Variants in LRP1B observed in about 807,000 individuals in gnomAD.
LRP1B encodes the protein low-density lipoprotein receptor-related protein 1B.
In LRP1B, 217 loss-of-function variants were observed where a neutral mutation model predicts 556.6. The observed-to-expected ratio is 0.39, with a 90% CI of 0.35 to 0.44. The LOEUF (loss-of-function observed/expected upper bound fraction) is 0.44. Ranked by LOEUF, LRP1B falls within the 20% of genes least tolerant of loss-of-function variation. The pLI is 1.00. For missense variants in LRP1B, 5,053 were observed against 5,620.8 expected, an observed-to-expected ratio of 0.90 and a Z score of 3.23; for synonymous variants, 2,047 against 1,865.8, an observed-to-expected ratio of 1.10 and a Z score of -2.50.
chr2:141,572,431 C>T (rs1451218603), intron 2 of LRP1B, among the ~76,000 whole-genome samples: 1 of 152,092 alleles, frequency 6.6e-6, no homozygotes, highest in East Asian at 1.9e-4. Context: ...CTGAAAGAAG[C>T]ACTAAATATG....
chr2:140,575,032 T>A (rs1681466006), intron 43 of LRP1B, among the ~76,000 whole-genome samples: 1 of 152,200 alleles, frequency 6.6e-6, no homozygotes, highest in Non-Finnish European at 1.5e-5. Context: ...CTTCAGCTCC[T>A]CACCTTAGCC....
chr2:140,463,474 G>T (rs1410341852), intron 60 of LRP1B, among the ~76,000 whole-genome samples: 1 of 152,106 alleles, frequency 6.6e-6, no homozygotes. Flanking sequence ...TGGCCTCTGT[G>T]AACATTTTGC....
chr2:140,954,766 G>A (rs556912616), intron 18 of LRP1B, among the ~76,000 whole-genome samples: 2 of 152,050 alleles, frequency 1.3e-5, no homozygotes, highest in African/African-American at 4.8e-5. Flanking sequence ...TAATGTAAAC[G>A]TGTGCTTTAA....
chr2:141,593,724 C>CAA lies in LRP1B; in HGVS notation c.206-113193_206-113192dup, dbSNP rs1175750978. Among the ~76,000 whole-genome samples, 40 of 130,904 alleles carry CAA rather than the reference C, an allele frequency of 3.1e-4. 16 individuals are homozygous for CAA. Among genetic ancestry groups the CAA allele is most frequent in the African/African-American group, 1.5e-3 (40 of 26,654 alleles). The allele number at this position is 130,904 out of a possible 152,430, so 85.9% of individuals were successfully genotyped here. A position where few individuals can be genotyped will look rare whatever the true frequency, so the allele number is the denominator to read the frequency against. ...TGGGCGACAGAGCGAGACTCCGTCT[C>CAA]AAAAAAAAAAAAAAAAAAAAAAAAA... On this transcript the variant is annotated intron_variant, in intron 2 of 90. Transcript: ENST00000389484.
intron 66 of LRP1B, among the ~76,000 whole-genome samples, chr2:140,397,009 A>G (rs1463113459): frequency 3.3e-5 from 5 of 152,190 alleles, no homozygotes. Flanking sequence ...AAGGTCACAG[A>G]GTATTAGAAT....
intron 25 of LRP1B, among the ~76,000 whole-genome samples, chr2:140,877,718 AT>A (rs1693353229): frequency 6.6e-6 from 1 of 152,082 alleles, no homozygotes; most frequent in African/African-American, 2.4e-5. Context: ...CCCTCACTCC[AT>A]TTCAAATCTT....
intron 7 of LRP1B, among the ~76,000 whole-genome samples, chr2:141,098,813 A>C (rs563187567): frequency 6.6e-6 from 1 of 152,254 alleles, no homozygotes; most frequent in Non-Finnish European, 1.5e-5. Flanking sequence ...ATGTGCCACC[A>C]CACCCAGCTG....
chr2:141,494,870 T>C (rs1245221931), intron 2 of LRP1B, among the ~76,000 whole-genome samples: 1 of 150,872 alleles, frequency 6.6e-6, no homozygotes, highest in Non-Finnish European at 1.5e-5. Flanking sequence ...GTAGCATTAC[T>C]AATAGCGGTA....
At chr2:140,386,218 G>A (rs1217480755) in intron 66 of LRP1B, among the ~76,000 whole-genome samples, 1 of 151,968 alleles carries the variant, frequency 6.6e-6, no homozygotes, top group Admixed American at 6.6e-5. Flanking sequence ...CTTTCACCGC[G>A]AGCTAATCAG....
At chr2:140,361,060 T>A (rs1034966770) in intron 72 of LRP1B, among the ~76,000 whole-genome samples, 1 of 151,228 alleles carries the variant, frequency 6.6e-6, no homozygotes, top group African/African-American at 2.4e-5. Flanking sequence ...ATTTTGTCTG[T>A]ACTTTTCTCC....
chr2:141,926,163 C>T (rs1202776949), intron 1 of LRP1B, among the ~76,000 whole-genome samples: 1 of 152,090 alleles, frequency 6.6e-6, no homozygotes, highest in Non-Finnish European at 1.5e-5. Context: ...AAAATAAATA[C>T]ATGAAGAGTG....
intron 7 of LRP1B, among the ~76,000 whole-genome samples, chr2:141,111,899 A>T (rs999676692): frequency 6.6e-6 from 1 of 152,004 alleles, no homozygotes; most frequent in Non-Finnish European, 1.5e-5. Flanking sequence ...TAAAAAAATT[A>T]GCCCAGTATG....
intron 3 of LRP1B, among the ~76,000 whole-genome samples, chr2:141,409,191 T>G (rs988236861): frequency 6.6e-6 from 1 of 152,200 alleles, no homozygotes; most frequent in Admixed American, 6.5e-5. Flanking sequence ...GCAATAGTCT[T>G]GACACACGTT....
At chr2:141,583,680 C>A (rs887159017) in intron 2 of LRP1B, among the ~76,000 whole-genome samples, 1 of 151,530 alleles carries the variant, frequency 6.6e-6, no homozygotes, top group Non-Finnish European at 1.5e-5. Context: ...GATATGTATT[C>A]ACTCAATATA....
chr2:140,967,163 T>C (rs990229163), intron 18 of LRP1B, among the ~76,000 whole-genome samples: 2 of 152,166 alleles, frequency 1.3e-5, no homozygotes, highest in Non-Finnish European at 2.9e-5. Context: ...CATTGATTCT[T>C]CCTATCCATG....
At chr2:140,307,198 T>C (rs989077351) in intron 83 of LRP1B, among the ~76,000 whole-genome samples, 29 of 152,054 alleles carry the variant, frequency 1.9e-4, no homozygotes, top group African/African-American at 7.0e-4. Context: ...ACGTTTGATA[T>C]TTAAATTGTG....
chr2:140,577,311 C>T (rs1681564532), intron 43 of LRP1B, among the ~76,000 whole-genome samples: 1 of 151,996 alleles, frequency 6.6e-6, no homozygotes, highest in Admixed American at 6.6e-5. Context: ...GGTGAAACCC[C>T]ATTTCTACTA....
chr2:141,190,740 A>C (rs1180067431), intron 6 of LRP1B, among the ~76,000 whole-genome samples: 1 of 151,974 alleles, frequency 6.6e-6, no homozygotes, highest in African/African-American at 2.4e-5. Flanking sequence ...TTATACTTTG[A>C]TACTTCCTTT....
intron 32 of LRP1B, among the ~76,000 whole-genome samples, chr2:140,791,467 A>G (rs1229550730): frequency 6.6e-6 from 1 of 151,992 alleles, no homozygotes; most frequent in Admixed American, 6.6e-5. Context: ...AAAAGAAAAG[A>G]GAAGATTGGA....
Sources: gnomAD v4.1 joint callset for allele counts (sites outside exome capture counted in the v4.1 genomes callset) on GRCh38, gnomAD v4.1.1 for gene constraint, MANE v1.5 for transcripts, NCBI Gene and HGNC (gene_info 2026-07-23, HGNC 2026-07-21) for gene names.